CCDC40: variants seen among roughly 807,000 people sequenced by gnomAD.
CCDC40 encodes the protein coiled-coil domain-containing protein 40.
A neutral mutation model predicts 124.5 loss-of-function variants in CCDC40; 104 were observed. The observed-to-expected ratio is 0.84, with a 90% CI of 0.71 to 0.98. The LOEUF (loss-of-function observed/expected upper bound fraction) is 0.98, where lower values mean the gene tolerates loss of function less well. CCDC40 is among the 50% of genes least tolerant of loss of function. The pLI, the probability that CCDC40 is intolerant of heterozygous loss-of-function variation, is 0.00. For missense variants in CCDC40, 1,463 were observed against 1,503.9 expected (o/e 0.97, Z 0.45); for synonymous variants, 580 against 602.9 (o/e 0.96, Z 0.56).
rs367614851 is a variant in CCDC40, at chr17:80,097,323, C to A, written c.3100C>A (p.Gln1034Lys). 6.2e-7 allele frequency: 1 copy of A among 1,613,964 alleles called. No individual in the cohort carries two copies. Among genetic ancestry groups the A allele is most frequent in the Admixed American group, 1.7e-5 (1 of 60,028 alleles). The change falls in exon 19 of 20, where the codon CAG becomes AAG. Residue 1034 changes from glutamine (Q) to lysine (K), a missense_variant. By Grantham distance (53) the Gln-to-Lys change is moderately conservative. Transcript: ENST00000397545. ...RNVSSSLLEK[Q>K]EKLSVIQADF... ...TGTGAGCAGCTCCCTCCTAGAGAAG[C>A]AGGAAAAGCTGTCGGTGATTCAGGC...
At chr17:80,061,856 T>TCCCTAACCCTAA (rs147790630) in intron 9 of CCDC40, among the ~76,000 whole-genome samples, 6,807 of 151,924 alleles carry the variant, frequency 0.045, 486 homozygotes, top group African/African-American at 0.15. Flanking sequence ...AGCCACTCCC[T>TCCCTAACCCTAA]CCCTAACCCT....
intron 3 of CCDC40, among the ~76,000 whole-genome samples, chr17:80,042,312 G>C (rs922588597): frequency 6.6e-6 from 1 of 152,100 alleles, no homozygotes; most frequent in Non-Finnish European, 1.5e-5. Flanking sequence ...TAGAGATGGG[G>C]TTTCACCATG....
At chr17:80,059,630 G>A (rs2037848017) in intron 9 of CCDC40, among the ~76,000 whole-genome samples, 1 of 151,130 alleles carries the variant, frequency 6.6e-6, no homozygotes, top group Non-Finnish European at 1.5e-5. Context: ...CACAATCTCA[G>A]CTCACTGCAA....
intron 3 of CCDC40, among the ~76,000 whole-genome samples, chr17:80,046,675 A>G (rs1269021863): frequency 2.6e-5 from 4 of 152,112 alleles, no homozygotes; most frequent in African/African-American, 4.8e-5. Context: ...ATGGGAAACC[A>G]CAACTCTGAG....
At chr17:80,095,535 C>G (rs773189444) in intron 18 of CCDC40, 84 bp downstream of exon 18, 100 of 1,357,360 alleles carry the variant, frequency 7.4e-5, no homozygotes, top group Non-Finnish European at 9.3e-5. Flanking sequence ...CTTGCTGGGT[C>G]CGGGGTGAGG....
rs186045954 is a variant in CCDC40, at chr17:80,097,523, G to A, written c.3180+120G>A. ...TCCTGATCAGGTCACGGCCTCTCCT[G>A]ATCCCAGGCCAGTAATAGCACCACC... On this transcript the variant is annotated intron_variant, in intron 19 of 19. Transcript: ENST00000397545. 4.5e-3 allele frequency: 4,578 copies of A among 1,015,384 alleles called. 28 individuals carry two copies. The highest frequency in any genetic ancestry group is 5.8e-3 in the Admixed American group (257 of 44,352). The allele number at this position is 1,015,384 out of a possible 1,614,324, so 62.9% of individuals were successfully genotyped here. A position where few individuals can be genotyped will look rare whatever the true frequency, so the allele number is the denominator to read the frequency against.
Position 80,095,324 on chromosome 17 carries a change from T to C in CCDC40, c.2894T>C (p.Val965Ala), listed in dbSNP as rs1193946734. 6.2e-7 allele frequency: 1 copy of C among 1,614,012 alleles called. No homozygotes were observed. Among genetic ancestry groups the C allele is most frequent in the Non-Finnish European group, 8.5e-7 (1 of 1,180,032 alleles). ...EKMIRAMELA[V>A]ARRETVTTQA... The stretch of plus-strand genomic sequence containing the variant: ...ATGATCCGTGCCATGGAGTTGGCGG[T>C]TGCCCGCAGAGAGACCGTCACCACC... The change falls in exon 18 of 20, where the codon GTT (valine) becomes GCT (alanine). Residue 965 changes from valine (V) to alanine (A), a missense_variant. Transcript: ENST00000397545.
At position 80,081,804 on chromosome 17, in the gene CCDC40, G is replaced by C; in HGVS notation, c.1806+15G>C. The C allele has an allele frequency of 6.2e-7, 1 of 1,613,870 alleles. No individual in the cohort carries two copies. Among genetic ancestry groups the C allele is most frequent in the Non-Finnish European group, 8.5e-7 (1 of 1,179,986 alleles). On this transcript the variant is annotated intron_variant, in intron 11 of 19. Coordinates refer to ENST00000397545, the MANE Select transcript of CCDC40 (RefSeq NM_017950.4). ...AGGACCAGCTGGTGAGGCCGGGCCC[G>C]CCCCACAGGTCACACCTGGCGCACG...
intron 9 of CCDC40, among the ~76,000 whole-genome samples, chr17:80,062,086 G>C (rs1030680484): frequency 2.0e-5 from 3 of 152,070 alleles, no homozygotes; most frequent in African/African-American, 7.2e-5. Context: ...CTCCAGCCTG[G>C]GTGACAGAGT....
intron 19 of CCDC40, 98 bp from the exon 20 acceptor site, chr17:80,099,429 C>A: frequency 2.1e-6 from 3 of 1,433,752 alleles, no homozygotes; most frequent in Non-Finnish European, 1.9e-6. Context: ...GGTCTCGCCT[C>A]CTCTTCGGCA....
intron 10 of CCDC40, among the ~76,000 whole-genome samples, chr17:80,069,755 A>C (rs1026128591): frequency 2.6e-5 from 4 of 152,074 alleles, no homozygotes; most frequent in African/African-American, 9.7e-5. Context: ...CGTCTCAAAA[A>C]AATAAGAAAG....
At chr17:80,078,373 G>C (rs1188594026) in intron 10 of CCDC40, among the ~76,000 whole-genome samples, 1 of 151,684 alleles carries the variant, frequency 6.6e-6, no homozygotes, top group African/African-American at 2.4e-5. Flanking sequence ...AATGTCTAAG[G>C]GTCACGAAGA....
chr17:80,077,208 C>T (rs374976172), intron 10 of CCDC40, among the ~76,000 whole-genome samples: 1 of 152,058 alleles, frequency 6.6e-6, no homozygotes, highest in Non-Finnish European at 1.5e-5. Context: ...TCCAAGGTTC[C>T]GGCTCAACAT....
At chr17:80,036,943 C>G (rs985612411) in intron 1 of CCDC40, among the ~76,000 whole-genome samples, 1 of 152,170 alleles carries the variant, frequency 6.6e-6, no homozygotes, top group African/African-American at 2.4e-5. Context: ...CCTCTTTCCC[C>G]TACTCCAAGC....
At position 80,039,935 on chromosome 17, in the gene CCDC40, G is replaced by A; in HGVS notation, c.217G>A (p.Gly73Arg). ...TGAAGAGGGGGAGGTGGAGACAGAA[G>A]GGGAAGCAGCAGTGGAAGGGGAAGA... ...AIEEGEVETE[G>R]EAAVEGEEEA... Residue 73 changes from glycine (G) to arginine (R), a missense_variant, in exon 3 of 20, where the codon GGG becomes AGG. Physicochemically the swap from Gly to Arg is moderately radical, Grantham distance 125. Transcript: ENST00000397545. The A allele has an allele frequency of 6.2e-7, 1 of 1,613,418 alleles. No individual in the cohort carries two copies.
chr17:80,067,972 ACTT>A, intron 10 of CCDC40: 1 of 1,102,912 alleles, frequency 9.1e-7, no homozygotes, highest in Non-Finnish European at 1.1e-6. Flanking sequence ...AGAGCCTCTG[ACTT>A]CACCTGCAGC....
intron 10 of CCDC40, among the ~76,000 whole-genome samples, chr17:80,071,636 A>C (rs1240390784): frequency 6.6e-6 from 1 of 152,080 alleles, no homozygotes; most frequent in South Asian, 2.1e-4. Flanking sequence ...AGTCCCACAC[A>C]ACCTCCCTGG....
chr17:80,038,725 T>A (rs906172041), intron 2 of CCDC40, among the ~76,000 whole-genome samples: 7 of 151,914 alleles, frequency 4.6e-5, no homozygotes, highest in Non-Finnish European at 8.8e-5. Flanking sequence ...CTCGGGAGGC[T>A]GAGGCAGGAG....
chr17:80,044,660 G>C (rs2037366576), intron 3 of CCDC40, among the ~76,000 whole-genome samples: 1 of 147,646 alleles, frequency 6.8e-6, no homozygotes, highest in Non-Finnish European at 1.5e-5. Context: ...TCCAGCCTGG[G>C]AGACAGAGCG....
Sources: allele counts gnomAD v4.1 joint callset (sites outside exome capture counted in the v4.1 genomes callset), GRCh38; gene constraint gnomAD v4.1.1; transcripts MANE v1.5; gene names NCBI Gene and HGNC (gene_info 2026-07-23, HGNC 2026-07-21).